PDGFD: variants seen among roughly 807,000 people sequenced by gnomAD.
PDGFD encodes platelet derived growth factor D, also known as platelet-derived growth factor D.
Under a neutral mutation model 44.7 loss-of-function variants are expected in PDGFD, and 30 were observed. The observed-to-expected ratio is 0.67, with a 90% confidence interval of 0.50 to 0.91. PDGFD has a LOEUF of 0.91. Ranked by LOEUF, PDGFD falls within the 40% of genes least tolerant of loss-of-function variation. The probability of loss-of-function intolerance (pLI) is 0.00; values close to 1 mark genes in which losing one functional copy is unlikely to be tolerated. For missense variants in PDGFD, 445 were observed against 457.8 expected, an observed-to-expected ratio of 0.97 and a Z score of 0.25; for synonymous variants, 173 against 168.4, an observed-to-expected ratio of 1.03 and a Z score of -0.21.
intron 1 of PDGFD, among the ~76,000 whole-genome samples, chr11:104,027,368 C>G (rs558454756): frequency 2.2e-4 from 33 of 152,320 alleles, no homozygotes; most frequent in African/African-American, 7.7e-4. Context: ...TCTTGTCTGA[C>G]TTTTCCAGGT....
intron 1 of PDGFD, among the ~76,000 whole-genome samples, chr11:104,119,684 T>G (rs1202933201): frequency 6.5e-5 from 4 of 61,382 alleles, no homozygotes; most frequent in Non-Finnish European, 1.2e-4. Context: ...TATATATCGA[T>G]ATATAATATA....
At chr11:104,011,546 G>A (rs1186003536) in intron 1 of PDGFD, among the ~76,000 whole-genome samples, 1 of 152,040 alleles carries the variant, frequency 6.6e-6, no homozygotes, top group African/African-American at 2.4e-5. Flanking sequence ...AAATGTAACT[G>A]TCCAGCTGTC....
At chr11:103,957,141 T>C (rs1858864183) in intron 3 of PDGFD, among the ~76,000 whole-genome samples, 1 of 152,296 alleles carries the variant, frequency 6.6e-6, no homozygotes, top group Non-Finnish European at 1.5e-5. Flanking sequence ...CCCATGCCTA[T>C]GTCCTGAATG....
chr11:104,050,705 C>G (rs1860520973), intron 1 of PDGFD, among the ~76,000 whole-genome samples: 1 of 152,126 alleles, frequency 6.6e-6, no homozygotes, highest in African/African-American at 2.4e-5. Flanking sequence ...TACTGCAGGT[C>G]TGGGGTACTC....
In PDGFD at chr11:104,068,984, G is replaced by T. The variant is rs953470166; in HGVS notation, c.125-68729C>A. Among the ~76,000 whole-genome samples, 3 of 152,078 alleles carry T rather than the reference G, an allele frequency of 2.0e-5. No homozygotes were observed. In the East Asian group the frequency reaches 5.8e-4, roughly 29 times the overall value. Reference sequence around the variant, plus strand: ...ATGCAATCATTAAAATCAGGAAATTGATTATGATAAAATACTGTTACCTAA... The same window carrying T: ...ATGCAATCATTAAAATCAGGAAATTTATTATGATAAAATACTGTTACCTAA... On this transcript the variant is annotated intron_variant, in intron 1 of 6. Coordinates refer to ENST00000393158, the MANE Select transcript of PDGFD (RefSeq NM_025208.5).
At chr11:103,948,419 T>C (rs893657286) in intron 3 of PDGFD, among the ~76,000 whole-genome samples, 3 of 152,192 alleles carry the variant, frequency 2.0e-5, no homozygotes, top group African/African-American at 7.2e-5. Flanking sequence ...GTGATAGCAA[T>C]AGATCACACA....
intron 3 of PDGFD, among the ~76,000 whole-genome samples, chr11:103,977,973 G>GT (rs1859208530): frequency 6.6e-6 from 1 of 152,056 alleles, no homozygotes; most frequent in Admixed American, 6.6e-5. Context: ...GATATACTGT[G>GT]TAATAAGTGC....
rs140730808 is a variant in PDGFD at position 104,057,105 on chromosome 11, C to T, written c.125-56850G>A. Among the ~76,000 whole-genome samples the T allele has an allele frequency of 4.5e-3, 691 of 152,216 alleles. 8 individuals are homozygous for T. Among genetic ancestry groups the T allele is most frequent in the African/African-American group, 0.016 (657 of 41,538 alleles). ...ATCGAGCCACTGCATGCCAGCCTGGCGACACAGCAAGACTTCGTCCCCTCC... is the reference window on the plus strand; with the variant it reads ...ATCGAGCCACTGCATGCCAGCCTGGTGACACAGCAAGACTTCGTCCCCTCC... On this transcript the variant is annotated intron_variant, in intron 1 of 6. Transcript: ENST00000393158.
intron 3 of PDGFD, among the ~76,000 whole-genome samples, chr11:103,950,749 G>A (rs1452898422): frequency 6.6e-6 from 1 of 152,032 alleles, no homozygotes; most frequent in African/African-American, 2.4e-5. Flanking sequence ...ATGTGTGTAT[G>A]GGGAGAAAAA....
At chr11:104,144,784 A>G (rs1862139884) in intron 1 of PDGFD, among the ~76,000 whole-genome samples, 1 of 152,160 alleles carries the variant, frequency 6.6e-6, no homozygotes, top group Non-Finnish European at 1.5e-5. Context: ...CCACTGTATG[A>G]CTTCAGGGAA....
chr11:103,987,820 C>T (rs978634852), intron 3 of PDGFD, among the ~76,000 whole-genome samples: 3 of 151,166 alleles, frequency 2.0e-5, no homozygotes, highest in Non-Finnish European at 4.4e-5. Context: ...GCAACGCCCT[C>T]TTCCCGGGAT....
At chr11:104,079,968 C>T (rs1299265110) in intron 1 of PDGFD, among the ~76,000 whole-genome samples, 2 of 152,150 alleles carry the variant, frequency 1.3e-5, no homozygotes, top group African/African-American at 2.4e-5. Context: ...CTATGCCATG[C>T]TCTTTGAATT....
intron 1 of PDGFD, among the ~76,000 whole-genome samples, chr11:104,152,178 A>G (rs11226207): frequency 0.19 from 28,696 of 152,118 alleles, 2,840 homozygotes; most frequent in East Asian, 0.29. Context: ...TAAAGAATAA[A>G]AACTATAAGG....
chr11:104,109,310 C>T (rs1019185840), intron 1 of PDGFD, among the ~76,000 whole-genome samples: 1 of 152,084 alleles, frequency 6.6e-6, no homozygotes, highest in Non-Finnish European at 1.5e-5. Context: ...CTGTGTTATT[C>T]GAGATGTTTC....
chr11:104,024,533 G>A (rs1377706756), intron 1 of PDGFD, among the ~76,000 whole-genome samples: 2 of 152,044 alleles, frequency 1.3e-5, no homozygotes, highest in Non-Finnish European at 2.9e-5. Context: ...TATTTTTACT[G>A]TACTTAGGTT....
intron 1 of PDGFD, among the ~76,000 whole-genome samples, chr11:104,122,717 C>T (rs973886310): frequency 1.1e-5 from 1 of 90,202 alleles, no homozygotes; most frequent in African/African-American, 5.6e-5. Flanking sequence ...ATAATACAAA[C>T]AATTTTTTTT....
intron 3 of PDGFD, among the ~76,000 whole-genome samples, chr11:103,957,208 T>C (rs971691253): frequency 1.3e-5 from 2 of 152,346 alleles, no homozygotes; most frequent in East Asian, 3.9e-4. Flanking sequence ...CGTTTAAGTC[T>C]TTAATCTATC....
chr11:103,990,871 G>C (rs1859440527), intron 3 of PDGFD, among the ~76,000 whole-genome samples: 1 of 152,024 alleles, frequency 6.6e-6, no homozygotes, highest in Admixed American at 6.6e-5. Flanking sequence ...CAGGCGCGGT[G>C]GTTCACACCT....
At chr11:104,003,313 T>A (rs1457049725) in intron 1 of PDGFD, among the ~76,000 whole-genome samples, 1 of 152,192 alleles carries the variant, frequency 6.6e-6, no homozygotes, top group Non-Finnish European at 1.5e-5. Flanking sequence ...TATGGAAATA[T>A]TTGAAAGCCA....
Sources: allele counts gnomAD v4.1 joint callset (sites outside exome capture counted in the v4.1 genomes callset), GRCh38; gene constraint gnomAD v4.1.1; transcripts MANE v1.5; gene names NCBI Gene and HGNC (gene_info 2026-07-23, HGNC 2026-07-21).